POLR1D: variants seen among roughly 807,000 people sequenced by gnomAD.
POLR1D encodes DNA-directed RNA polymerases I and III subunit RPAC2.
Under a neutral mutation model 10.8 loss-of-function variants are expected in POLR1D, and 8 were observed. The ratio of observed to expected loss-of-function variants is 0.74; its 90% confidence interval spans 0.43 to 1.33. POLR1D has a LOEUF of 1.33. POLR1D is among the 40% of genes most tolerant of loss of function. The pLI, the probability that POLR1D is intolerant of heterozygous loss-of-function variation, is 0.01. For synonymous variants in POLR1D, 54 were observed against 57.2 expected, an observed-to-expected ratio of 0.94 and a Z score of 0.25; for missense variants, 152 against 161.7, an observed-to-expected ratio of 0.94 and a Z score of 0.32.
chr13:27,659,701 T>C (rs1245447324), intron 2 of POLR1D, among the ~76,000 whole-genome samples: 1 of 152,148 alleles, frequency 6.6e-6, no homozygotes, highest in Non-Finnish European at 1.5e-5. Context: ...TGTAAATGAT[T>C]TGCGTTGCTG....
chr13:27,652,222 G>A (rs1956272791), intron 2 of POLR1D, among the ~76,000 whole-genome samples: 1 of 152,200 alleles, frequency 6.6e-6, no homozygotes, highest in Non-Finnish European at 1.5e-5. Flanking sequence ...GTTGTTTCTT[G>A]CCAGCTCTCC....
chr13:27,624,080 G>A (rs141082888), downstream of POLR1D, among the ~76,000 whole-genome samples: 26 of 152,180 alleles, frequency 1.7e-4, 1 homozygote, highest in East Asian at 4.2e-3. Context: ...TGACTGTTTT[G>A]GAAAACACAT....
chr13:27,641,768 G>A (rs1480206764), intron 1 of POLR1D, among the ~76,000 whole-genome samples: 1 of 152,206 alleles, frequency 6.6e-6, no homozygotes, highest in Admixed American at 6.5e-5. Flanking sequence ...TGGTGGAGAG[G>A]TAATGTGAGA....
chr13:27,637,218 G>A (rs997733389), intron 1 of POLR1D, among the ~76,000 whole-genome samples: 7 of 152,264 alleles, frequency 4.6e-5, no homozygotes, highest in African/African-American at 7.2e-5. Flanking sequence ...TGGATTAATC[G>A]TAATAGAATT....
At chr13:27,647,373 A>G (rs763175703) in intron 1 of POLR1D, among the ~76,000 whole-genome samples, 7 of 151,572 alleles carry the variant, frequency 4.6e-5, no homozygotes, top group Non-Finnish European at 8.8e-5. Flanking sequence ...CATCCCTCCA[A>G]ATTTTTTTAT....
downstream of POLR1D, among the ~76,000 whole-genome samples, chr13:27,624,459 A>G (rs1319796583): frequency 1.3e-5 from 2 of 152,140 alleles, no homozygotes; most frequent in East Asian, 1.9e-4. Context: ...TAGAGCCTAC[A>G]TTTCCTACAC....
intron 1 of POLR1D, among the ~76,000 whole-genome samples, chr13:27,646,640 GA>G (rs1454910341): frequency 6.6e-6 from 1 of 152,188 alleles, no homozygotes; most frequent in Non-Finnish European, 1.5e-5. Flanking sequence ...ATCTTTTAAA[GA>G]TCTCAATAAG....
chr13:27,654,245 A>G (rs908399871), intron 2 of POLR1D, among the ~76,000 whole-genome samples: 1 of 152,210 alleles, frequency 6.6e-6, no homozygotes, highest in Non-Finnish European at 1.5e-5. Flanking sequence ...CTATTACAGT[A>G]AAAGCCCTTT....
At chr13:27,633,326 A>G (rs1303950497) in intron 1 of POLR1D, among the ~76,000 whole-genome samples, 4 of 152,230 alleles carry the variant, frequency 2.6e-5, no homozygotes, top group African/African-American at 4.8e-5. Context: ...GACCCCCGCC[A>G]AGGCCGACAA....
At chr13:27,650,507 A>T (rs1956258860) in intron 2 of POLR1D, 1 of 156,472 alleles carries the variant, frequency 6.4e-6, no homozygotes, top group Admixed American at 6.5e-5. Context: ...CCACTCTAAG[A>T]CTCTTAGGTG....
intron 2 of POLR1D, among the ~76,000 whole-genome samples, chr13:27,652,739 A>C (rs1252291912): frequency 6.6e-6 from 1 of 151,878 alleles, no homozygotes; most frequent in Admixed American, 6.5e-5. Flanking sequence ...ATGTGCTGGC[A>C]CACGTCTGTA....
chr13:27,623,896 C>T (rs1955980173), downstream of POLR1D, among the ~76,000 whole-genome samples: 1 of 152,112 alleles, frequency 6.6e-6, no homozygotes, highest in African/African-American at 2.4e-5. Context: ...TTGGGATATA[C>T]TTAGTCATGA....
At chr13:27,626,984 GT>G (rs1209145133), downstream of POLR1D, among the ~76,000 whole-genome samples, 3 of 152,194 alleles carry the variant, frequency 2.0e-5, no homozygotes, top group Non-Finnish European at 4.4e-5. Flanking sequence ...AGCATATCAA[GT>G]TCCGTGGCCT....
intron 1 of POLR1D, among the ~76,000 whole-genome samples, chr13:27,643,555 G>T (rs1449711686): frequency 6.6e-6 from 1 of 152,150 alleles, no homozygotes; most frequent in African/African-American, 2.4e-5. Flanking sequence ...CTGGCAGTGT[G>T]AACCTATAAG....
intron 1 of POLR1D, among the ~76,000 whole-genome samples, chr13:27,646,813 A>G (rs924088786): frequency 3.9e-5 from 6 of 152,212 alleles, no homozygotes; most frequent in Non-Finnish European, 8.8e-5. Context: ...AGGGCAGGAT[A>G]ATTTAGAAGA....
At chr13:27,665,419 A>G in intron 2 of POLR1D, 2 of 491,662 alleles carry the variant, frequency 4.1e-6, no homozygotes, top group East Asian at 3.8e-5. Flanking sequence ...ATACCTGTAC[A>G]TATGAACTTC....
At position 27,621,926 on chromosome 13, in the gene POLR1D, A is replaced by T; in HGVS notation, c.-58A>T. Reference sequence around the variant, plus strand: ...CTGCTTCGCCTCCGCGCCTCGCGCTATGGGACAGAGCCCCCGATCCGCCAG... The same window carrying T: ...CTGCTTCGCCTCCGCGCCTCGCGCTTTGGGACAGAGCCCCCGATCCGCCAG... On this transcript the variant is annotated 5_prime_UTR_variant, in exon 1 of 2. It removes an upstream start codon present in the reference 5' UTR. Transcript: ENST00000302979. 6.4e-7 allele frequency: 1 copy of T among 1,556,908 alleles called. No homozygotes were observed.
downstream of POLR1D, among the ~76,000 whole-genome samples, chr13:27,625,270 G>T (rs9507914): frequency 7.8e-3 from 1,185 of 152,204 alleles, 8 homozygotes; most frequent in Non-Finnish European, 0.012. Flanking sequence ...ATTACAGAGT[G>T]GGGGGAGATG....
At chr13:27,647,569 A>T (rs563382761) in intron 1 of POLR1D, among the ~76,000 whole-genome samples, 1 of 152,214 alleles carries the variant, frequency 6.6e-6, no homozygotes, top group East Asian at 1.9e-4. Flanking sequence ...TAAATTTGAA[A>T]TTAAGGTTAT....
Sources: allele counts gnomAD v4.1 joint callset (sites outside exome capture counted in the v4.1 genomes callset), GRCh38; gene constraint gnomAD v4.1.1; transcripts MANE v1.5; gene names NCBI Gene and HGNC (gene_info 2026-07-23, HGNC 2026-07-21).